UBA6: variants seen among roughly 807,000 people sequenced by gnomAD.
UBA6 encodes the protein ubiquitin-like modifier-activating enzyme 6.
UBA6 carries 87 observed loss-of-function variants against 148.3 expected under a neutral mutation model. The observed-to-expected ratio is 0.59, with a 90% confidence interval of 0.49 to 0.70. UBA6 has a LOEUF of 0.70. Among genes scored for constraint, UBA6 ranks in the 30% least tolerant of loss-of-function variants. The pLI is 0.00. For missense variants in UBA6, 1,186 were observed against 1,241.2 expected (o/e 0.96, Z 0.67); for synonymous variants, 376 against 401.0 (o/e 0.94, Z 0.75).
intron 17 of UBA6, 29 bp from the exon 18 acceptor site, chr4:67,641,257 A>C (rs1729299408): frequency 3.9e-6 from 5 of 1,277,030 alleles, no homozygotes; most frequent in Non-Finnish European, 4.5e-6. Flanking sequence ...GGCTGAAATT[A>C]CATAATGGAT....
Position 67,613,295 on chromosome 4 carries a change from A to G in UBA6, c.*5702T>C, listed in dbSNP as rs1457351377. 21 of 152,362 alleles carry G rather than the reference A, an allele frequency of 1.4e-4. No homozygotes were observed. In the East Asian group the frequency reaches 1.7e-3, roughly 13 times the overall value. The allele number at this position is 152,362 out of a possible 1,614,324, so 9.4% of individuals were successfully genotyped here. On this transcript the variant is annotated 3_prime_UTR_variant, in exon 33 of 33. Transcript: ENST00000322244. ...TTTTTTCAAACAATATTGGTAAATA[A>G]TTAAAGGTAACCAGGCACACAAGGA...
At chr4:67,620,458 T>C (rs1466971260) in intron 32 of UBA6, among the ~76,000 whole-genome samples, 2 of 152,144 alleles carry the variant, frequency 1.3e-5, no homozygotes, top group Non-Finnish European at 2.9e-5. Context: ...ATGATTAACA[T>C]GACCAGAGGT....
At chr4:67,637,185 A>G (rs1279312956) in intron 19 of UBA6, among the ~76,000 whole-genome samples, 1 of 145,242 alleles carries the variant, frequency 6.9e-6, no homozygotes, top group Non-Finnish European at 1.5e-5. Flanking sequence ...GTGGGGGGGC[A>G]GCCCCCACCC....
intron 1 of UBA6, 142 bp downstream of exon 1, chr4:67,700,907 C>T: frequency 1.1e-6 from 1 of 942,390 alleles, no homozygotes; most frequent in Non-Finnish European, 1.6e-6. Flanking sequence ...CCACTCCGCG[C>T]GCGCCCCTCG....
rs558554087 is a variant in UBA6, at chr4:67,614,966, G to A, written c.*4031C>T. ...TATGAAAAAATACTCAACTTCACAG[G>A]TAATAGAGAAATGCAGAGTGACACT... On this transcript the variant is annotated 3_prime_UTR_variant, in exon 33 of 33. Coordinates refer to ENST00000322244, the MANE Select transcript of UBA6 (RefSeq NM_018227.6). 6.6e-6 allele frequency: 1 copy of A among 152,276 alleles called. No homozygotes were observed. Among genetic ancestry groups the A allele is most frequent in the South Asian group, 2.1e-4 (1 of 4,828 alleles). The allele number at this position is 152,276 out of a possible 1,614,324, so 9.4% of individuals were successfully genotyped here.
chr4:67,659,651 C>CATGTATTTTATATAGGAATATATAAA (rs1553907609), intron 13 of UBA6, among the ~76,000 whole-genome samples: 6 of 17,808 alleles, frequency 3.4e-4, no homozygotes, highest in Admixed American at 1.0e-3. Flanking sequence ...TTTTATATAG[C>CATGTATTTTATATAGGAATATATAAA]ATATGCAGTG....
Position 67,639,002 on chromosome 4 carries a change from A to G in UBA6, c.1677T>C (p.Thr559=). Residue 559 remains threonine (T), a synonymous_variant, in exon 19 of 33, where the codon ACT becomes ACC. Coordinates refer to ENST00000322244, the MANE Select transcript of UBA6 (RefSeq NM_018227.6). ...ATGCTGTAATAATTACATCTTGTTTAGTATAGAACTCATCATTGTAAATGG... is the reference window on the plus strand; with the variant it reads ...ATGCTGTAATAATTACATCTTGTTTGGTATAGAACTCATCATTGTAAATGG... The part of the protein sequence containing the change: ...TETIYNDEFY[T]KQDVIITALD... The G allele has an allele frequency of 6.2e-7, 1 of 1,610,298 alleles. No individual in the cohort carries two copies. The highest frequency in any genetic ancestry group is 2.2e-5 in the East Asian group (1 of 44,786).
In UBA6 at chr4:67,618,070, C is replaced by T. The variant is rs1257381722; in HGVS notation, c.*927G>A. On this transcript the variant is annotated 3_prime_UTR_variant, in exon 33 of 33. Coordinates refer to ENST00000322244, the MANE Select transcript of UBA6 (RefSeq NM_018227.6). ...CAAAAAAAACACAAAATTTAATACC[C>T]TAATTAGGTTTCTGGAAAAAAAAAA... 3 of 147,896 alleles carry T rather than the reference C, an allele frequency of 2.0e-5. No homozygotes were observed. Among genetic ancestry groups the T allele is most frequent in the African/African-American group, 7.4e-5 (3 of 40,488 alleles). 9.2% of individuals were successfully genotyped at this position (147,896 alleles called of 1,614,324 possible).
chr4:67,637,362 G>C (rs1729185432), intron 19 of UBA6, among the ~76,000 whole-genome samples: 1 of 148,790 alleles, frequency 6.7e-6, no homozygotes, highest in South Asian at 2.1e-4. Flanking sequence ...GGAGGTGGGG[G>C]CGCCTCTGCC....
chr4:67,684,900 A>G (rs1730521409), intron 2 of UBA6, among the ~76,000 whole-genome samples: 1 of 152,220 alleles, frequency 6.6e-6, no homozygotes, highest in South Asian at 2.1e-4. Flanking sequence ...CAAAAATACT[A>G]TGAGATAATT....
chr4:67,682,245 T>C (rs749210828), intron 2 of UBA6, 32 bp from the exon 3 acceptor site: 3 of 1,517,106 alleles, frequency 2.0e-6, no homozygotes, highest in Non-Finnish European at 2.7e-6. Flanking sequence ...AAACAAAAAA[T>C]TATTTCACTG....
intron 26 of UBA6, among the ~76,000 whole-genome samples, chr4:67,629,688 T>C (rs1728951853): frequency 6.6e-6 from 1 of 151,994 alleles, no homozygotes; most frequent in Admixed American, 6.6e-5. Flanking sequence ...TTGAGGTCAA[T>C]TACCACACTC....
chr4:67,662,797 C>G (rs1364719782), intron 12 of UBA6: 8 of 184,450 alleles, frequency 4.3e-5, no homozygotes, highest in Non-Finnish European at 8.9e-5. Flanking sequence ...AAGCAAAAAC[C>G]TTCTCCAACA....
chr4:67,626,169 G>A (rs905545393), intron 28 of UBA6, among the ~76,000 whole-genome samples, 191 bp downstream of exon 28: 4 of 151,898 alleles, frequency 2.6e-5, no homozygotes, highest in Admixed American at 6.6e-5. Flanking sequence ...TGAGAGTAGG[G>A]CAATAGTGGG....
intron 9 of UBA6, 132 bp downstream of exon 9, chr4:67,668,419 G>A (rs1252572765): frequency 1.3e-6 from 1 of 773,448 alleles, no homozygotes; most frequent in Non-Finnish European, 2.1e-6. Flanking sequence ...GTCTTCACTT[G>A]GATCGAATAT....
chr4:67,669,362 A>T (rs1031765162), intron 8 of UBA6, among the ~76,000 whole-genome samples: 1 of 152,178 alleles, frequency 6.6e-6, no homozygotes, highest in Non-Finnish European at 1.5e-5. Context: ...CTTTTTGATA[A>T]ATTTTTCCTA....
intron 6 of UBA6, among the ~76,000 whole-genome samples, chr4:67,674,746 T>C (rs1244494732): frequency 6.6e-6 from 1 of 152,226 alleles, no homozygotes; most frequent in Non-Finnish European, 1.5e-5. Context: ...CAGCCACAAT[T>C]TCTTTGAATA....
intron 4 of UBA6, among the ~76,000 whole-genome samples, chr4:67,681,174 G>A (rs1317854014): frequency 6.6e-6 from 1 of 152,178 alleles, no homozygotes; most frequent in Non-Finnish European, 1.5e-5. Context: ...ATGGTATTAA[G>A]AGCTTGTTAC....
At chr4:67,660,069 C>T (rs962873289) in intron 13 of UBA6, among the ~76,000 whole-genome samples, 1 of 152,076 alleles carries the variant, frequency 6.6e-6, no homozygotes, top group African/African-American at 2.4e-5. Flanking sequence ...CTTGGGTGCT[C>T]TTAAAAGCAT....
Sources: allele counts gnomAD v4.1 joint callset (sites outside exome capture counted in the v4.1 genomes callset), GRCh38; gene constraint gnomAD v4.1.1; transcripts MANE v1.5; gene names NCBI Gene and HGNC (gene_info 2026-07-23, HGNC 2026-07-21).